Variants in COG5 observed in about 807,000 individuals in gnomAD.
The protein encoded by COG5 is conserved oligomeric Golgi complex subunit 5.
COG5 carries 86 observed loss-of-function variants against 110.4 expected under a neutral mutation model. That is an observed-to-expected ratio of 0.78 (90% confidence interval 0.65 to 0.93). The LOEUF (loss-of-function observed/expected upper bound fraction) is 0.93, where lower values mean the gene tolerates loss of function less well. COG5 is among the 40% of genes least tolerant of loss of function. The pLI, the probability that COG5 is intolerant of heterozygous loss-of-function variation, is 0.00. For synonymous variants in COG5, 360 were observed against 334.6 expected, an observed-to-expected ratio of 1.08 and a Z score of -0.83; for missense variants, 1,077 against 987.0, an observed-to-expected ratio of 1.09 and a Z score of -1.22.
intron 6 of COG5, among the ~76,000 whole-genome samples, chr7:107,457,703 T>A (rs951321572): frequency 3.9e-5 from 6 of 152,206 alleles, no homozygotes; most frequent in Non-Finnish European, 8.8e-5. Flanking sequence ...GTGCTGGGAT[T>A]ACAGGCGTGA....
intron 6 of COG5, among the ~76,000 whole-genome samples, chr7:107,434,785 A>C (rs1200617950): frequency 1.3e-5 from 2 of 152,122 alleles, no homozygotes; most frequent in South Asian, 2.1e-4. Context: ...CCTGGCTAAC[A>C]CAGTGAAACC....
intron 6 of COG5, among the ~76,000 whole-genome samples, chr7:107,439,998 CCTCCATG>C (rs1418265773): frequency 6.6e-6 from 1 of 152,160 alleles, no homozygotes; most frequent in Non-Finnish European, 1.5e-5. Flanking sequence ...GCCCCAACAT[CCTCCATG>C]AATTTCTTGA....
intron 7 of COG5, among the ~76,000 whole-genome samples, chr7:107,401,219 A>T (rs1268129183): frequency 2.0e-5 from 3 of 152,174 alleles, no homozygotes; most frequent in African/African-American, 7.2e-5. Context: ...ATTTCCATTC[A>T]AATTTAAGGA....
intron 6 of COG5, among the ~76,000 whole-genome samples, chr7:107,467,808 A>G (rs558014617): frequency 6.6e-6 from 1 of 152,352 alleles, no homozygotes; most frequent in Non-Finnish European, 1.5e-5. Context: ...AAAAGGAAAT[A>G]AAATTATACT....
chr7:107,408,726 A>C lies in COG5; in HGVS notation c.669+3776T>G, dbSNP rs1335692201. On this transcript the variant is annotated intron_variant, in intron 7 of 21. Transcript: ENST00000297135. ...AGCATTATGAGTGCCAAAAGGCAGA[A>C]CAGGGGACATCTATTTTGCTGATCT... Among the ~76,000 whole-genome samples the C allele has an allele frequency of 2.0e-5, 3 of 152,202 alleles. No homozygotes were observed. In the East Asian group the frequency reaches 5.8e-4, roughly 29 times the overall value.
chr7:107,556,897 A>C (rs1232841835), intron 2 of COG5, among the ~76,000 whole-genome samples: 1 of 151,578 alleles, frequency 6.6e-6, no homozygotes, highest in Non-Finnish European at 1.5e-5. Flanking sequence ...CAGCCTCCCG[A>C]GTAGCTGGGA....
chr7:107,522,691 C>T (rs1372220370), intron 6 of COG5, among the ~76,000 whole-genome samples: 1 of 152,132 alleles, frequency 6.6e-6, no homozygotes, highest in Admixed American at 6.5e-5. Flanking sequence ...TTAGATTTTA[C>T]ATTTAGGACA....
intron 6 of COG5, among the ~76,000 whole-genome samples, chr7:107,441,994 A>G (rs1004801469): frequency 3.9e-5 from 6 of 152,248 alleles, no homozygotes; most frequent in African/African-American, 1.4e-4. Context: ...TCTAAAAGGT[A>G]AGGAAAGAAA....
intron 7 of COG5, among the ~76,000 whole-genome samples, chr7:107,398,387 G>T (rs535962408): frequency 5.9e-5 from 9 of 152,292 alleles, no homozygotes; most frequent in Non-Finnish European, 1.2e-4. Flanking sequence ...GGAGGTGAGC[G>T]GCAGGGCAGT....
chr7:107,514,323 C>G (rs934832862), intron 6 of COG5, among the ~76,000 whole-genome samples: 1 of 135,578 alleles, frequency 7.4e-6, no homozygotes, highest in Non-Finnish European at 1.6e-5. Context: ...TAAACATGGC[C>G]TATTTTACAC....
intron 10 of COG5, among the ~76,000 whole-genome samples, chr7:107,326,383 T>C (rs1235597840): frequency 6.6e-6 from 1 of 152,186 alleles, no homozygotes; most frequent in Non-Finnish European, 1.5e-5. Context: ...TTCTAGATGA[T>C]ATGATCTTGT....
chr7:107,519,854 C>T (rs1800200907), intron 6 of COG5, among the ~76,000 whole-genome samples: 1 of 152,102 alleles, frequency 6.6e-6, no homozygotes, highest in Non-Finnish European at 1.5e-5. Flanking sequence ...AAGAAAACTT[C>T]AGGCGAATAT....
At chr7:107,490,033 CAACT>C (rs1440901438) in intron 6 of COG5, among the ~76,000 whole-genome samples, 2 of 152,262 alleles carry the variant, frequency 1.3e-5, no homozygotes, top group African/African-American at 2.4e-5. Context: ...ATTTAAAAAA[CAACT>C]AACAAACGCA....
intron 14 of COG5, among the ~76,000 whole-genome samples, chr7:107,265,575 T>C (rs1803732602): frequency 6.6e-6 from 1 of 152,218 alleles, no homozygotes; most frequent in African/African-American, 2.4e-5. Context: ...CCTTAATTTT[T>C]ATTCATGTTT....
At chr7:107,534,511 G>A (rs1280415080) in intron 5 of COG5, among the ~76,000 whole-genome samples, 1 of 150,810 alleles carries the variant, frequency 6.6e-6, no homozygotes, top group Admixed American at 6.6e-5. Flanking sequence ...AAAAGTGGGG[G>A]TTGCAATCCT....
chr7:107,296,792 G>A (rs931494133), intron 12 of COG5, among the ~76,000 whole-genome samples: 4 of 151,848 alleles, frequency 2.6e-5, no homozygotes, highest in Non-Finnish European at 5.9e-5. Flanking sequence ...TATGTATTTA[G>A]GAATAAAATT....
chr7:107,345,948 T>C (rs1313833530), intron 10 of COG5, among the ~76,000 whole-genome samples: 2 of 152,188 alleles, frequency 1.3e-5, no homozygotes, highest in Non-Finnish European at 2.9e-5. Context: ...AATCAGAATA[T>C]ACATTATATA....
chr7:107,443,355 T>C (rs1420399703), intron 6 of COG5, among the ~76,000 whole-genome samples: 3 of 152,118 alleles, frequency 2.0e-5, no homozygotes, highest in Non-Finnish European at 2.9e-5. Flanking sequence ...TAGGACTGCA[T>C]GGTTTGGGGA....
intron 19 of COG5, among the ~76,000 whole-genome samples, chr7:107,212,649 A>C (rs1799263812): frequency 1.3e-5 from 2 of 152,246 alleles, no homozygotes; most frequent in Non-Finnish European, 2.9e-5. Flanking sequence ...GGGTGAAGTC[A>C]GCAAGATGGT....
Sources: allele counts gnomAD v4.1 joint callset (sites outside exome capture counted in the v4.1 genomes callset), GRCh38; gene constraint gnomAD v4.1.1; transcripts MANE v1.5; gene names NCBI Gene and HGNC (gene_info 2026-07-23, HGNC 2026-07-21).